OXCT1: variants seen among roughly 807,000 people sequenced by gnomAD.
OXCT1 encodes the protein 3-oxoacid CoA-transferase 1.
OXCT1 carries 27 observed loss-of-function variants against 69.6 expected under a neutral mutation model. That is an observed-to-expected ratio of 0.39 (90% CI 0.29 to 0.54). The LOEUF (loss-of-function observed/expected upper bound fraction) is 0.54, where lower values mean the gene tolerates loss of function less well. Among genes scored for constraint, OXCT1 ranks in the 20% least tolerant of loss-of-function variants. The pLI, the probability that OXCT1 is intolerant of heterozygous loss-of-function variation, is 0.72. For missense variants in OXCT1, 437 were observed against 650.2 expected (o/e 0.67, Z 3.57); for synonymous variants, 202 against 217.8 (o/e 0.93, Z 0.64).
At chr5:41,766,364 C>A (rs1207422653) in intron 13 of OXCT1, among the ~76,000 whole-genome samples, 1 of 151,932 alleles carries the variant, frequency 6.6e-6, no homozygotes, top group South Asian at 2.1e-4. Flanking sequence ...ATAAACCAGG[C>A]ACCAAGATAG....
In OXCT1 at chr5:41,794,694, T is replaced by G. The variant is rs746636477; in HGVS notation, c.1155A>C (p.Ser385=). 6.2e-7 allele frequency: 1 copy of G among 1,613,702 alleles called. No individual in the cohort carries two copies. ...TTACATACCCTCTAATCATTGCAAA[T>G]GATTCATCGCTGGAGAAAAAAGAGG... The part of the protein sequence containing the change: ...PGASFFSSDE[S]FAMIRGGHVD... Residue 385 remains serine (S), a synonymous_variant, in exon 12 of 17, where the codon TCA becomes TCC. Coordinates refer to ENST00000196371, the MANE Select transcript of OXCT1 (RefSeq NM_000436.4).
rs528139297 is a variant in OXCT1, at chr5:41,805,033, TCTAC to T, written c.955+530_955+533del. 2.0e-5 allele frequency among the ~76,000 whole-genome samples: 3 copies of T among 152,252 alleles called. No homozygotes were observed. The South Asian group carries it at 6.2e-4, about 31-fold the overall frequency. On this transcript the variant is annotated intron_variant, in intron 9 of 16. Coordinates refer to ENST00000196371, the MANE Select transcript of OXCT1 (RefSeq NM_000436.4). ...TATTAATTGCATTAATTATGTCTAC[TCTAC>T]CTCTTTTTTTGACAAAGTATCTAAA...
At chr5:41,839,803 C>T (rs192370676) in intron 7 of OXCT1, among the ~76,000 whole-genome samples, 133 of 152,286 alleles carry the variant, frequency 8.7e-4, no homozygotes, top group African/African-American at 2.9e-3. Context: ...CAAACTCCCA[C>T]GAAAATTGGG....
intron 10 of OXCT1, 129 bp downstream of exon 10, chr5:41,802,940 T>C: frequency 1.4e-6 from 1 of 697,440 alleles, no homozygotes; most frequent in East Asian, 2.7e-5. Flanking sequence ...ATACAATTTA[T>C]CCATGTAACC....
At chr5:41,851,361 A>G (rs1403095282) in intron 4 of OXCT1, among the ~76,000 whole-genome samples, 1 of 152,234 alleles carries the variant, frequency 6.6e-6, no homozygotes, top group African/African-American at 2.4e-5. Flanking sequence ...GCCAACGGAA[A>G]GAGATGACTC....
At chr5:41,801,625 C>T (rs1746429523) in intron 10 of OXCT1, among the ~76,000 whole-genome samples, 2 of 152,102 alleles carry the variant, frequency 1.3e-5, no homozygotes, top group African/African-American at 4.8e-5. Context: ...CAAACTACAT[C>T]ACATTATTTG....
chr5:41,837,743 A>G (rs1748439826), intron 7 of OXCT1, among the ~76,000 whole-genome samples: 1 of 152,304 alleles, frequency 6.6e-6, no homozygotes, highest in East Asian at 1.9e-4. Context: ...GATAGATAAC[A>G]TGGAAGCATT....
rs1447286760 is a variant in OXCT1 at position 41,801,140 on chromosome 5, A to G, written c.1051-70T>C. On this transcript the variant is annotated intron_variant, in intron 10 of 16. Transcript: ENST00000196371. Reference sequence around the variant, plus strand: ...CTGAATCACATATTAGAACTATAATATAAATAACTTCCCTAAAAACCCTAT... The same window carrying G: ...CTGAATCACATATTAGAACTATAATGTAAATAACTTCCCTAAAAACCCTAT... 3.4e-6 allele frequency: 4 copies of G among 1,173,386 alleles called. No individual in the cohort carries two copies. In the East Asian group the frequency reaches 9.5e-5, roughly 28 times the overall value. The allele number at this position is 1,173,386 out of a possible 1,614,324, so 72.7% of individuals were successfully genotyped here.
chr5:41,794,237 A>C, intron 12 of OXCT1, 159 bp from the exon 13 acceptor site: 1 of 662,672 alleles, frequency 1.5e-6, no homozygotes, highest in Non-Finnish European at 2.7e-6. Context: ...CTGACAGAGA[A>C]ATAATCACTA....
intron 7 of OXCT1, among the ~76,000 whole-genome samples, chr5:41,831,427 C>T (rs1053098684): frequency 6.6e-6 from 1 of 152,146 alleles, no homozygotes; most frequent in South Asian, 2.1e-4. Context: ...AATATCAGGT[C>T]CCTTTTCATG....
rs138152751 is a variant in OXCT1 at position 41,791,053 on chromosome 5, T to C, written c.1248+2950A>G. On this transcript the variant is annotated intron_variant, in intron 13 of 16. Transcript: ENST00000196371. ...CACTTTTCATTTTCTTCTCACTTAA[T>C]CCTAGCCAAAACATGTGCTTCAGAT... Among the ~76,000 whole-genome samples, 1,205 of 152,290 alleles carry C rather than the reference T, an allele frequency of 7.9e-3. 16 individuals are homozygous for C. Among genetic ancestry groups the C allele is most frequent in the African/African-American group, 0.028 (1,143 of 41,548 alleles).
At chr5:41,731,807 A>C (rs1742647547) in intron 16 of OXCT1, 37 bp from the exon 17 acceptor site, 4 of 1,586,568 alleles carry the variant, frequency 2.5e-6, no homozygotes, top group African/African-American at 2.7e-5. Flanking sequence ...ATTATGAAAA[A>C]CTGCATGATA....
intron 16 of OXCT1, among the ~76,000 whole-genome samples, chr5:41,738,184 G>A (rs1653188778): frequency 6.6e-6 from 1 of 152,178 alleles, no homozygotes; most frequent in South Asian, 2.1e-4. Context: ...ATGTGTAGCT[G>A]TAACATTAAC....
chr5:41,856,932 A>C (rs1002470618), intron 3 of OXCT1, among the ~76,000 whole-genome samples: 1 of 152,108 alleles, frequency 6.6e-6, no homozygotes, highest in South Asian at 2.1e-4. Flanking sequence ...ACCTACTCCT[A>C]GTACCTGGCT....
At chr5:41,783,140 G>T (rs1325771823) in intron 13 of OXCT1, among the ~76,000 whole-genome samples, 1 of 152,216 alleles carries the variant, frequency 6.6e-6, no homozygotes, top group African/African-American at 2.4e-5. Context: ...GAAAAGGGAA[G>T]TTGAGTACAG....
chr5:41,798,881 C>T (rs1579760495), intron 11 of OXCT1, among the ~76,000 whole-genome samples: 1 of 152,088 alleles, frequency 6.6e-6, no homozygotes, highest in South Asian at 2.1e-4. Flanking sequence ...AGAAAAAGGC[C>T]AGGGGTCACA....
intron 16 of OXCT1, 43 bp from the exon 17 acceptor site, chr5:41,731,813 T>G: frequency 1.3e-6 from 2 of 1,579,816 alleles, no homozygotes. Context: ...AAAAACTGCA[T>G]GATATAAATC....
At chr5:41,737,473 GA>G (rs1742943301) in intron 16 of OXCT1, among the ~76,000 whole-genome samples, 1 of 152,050 alleles carries the variant, frequency 6.6e-6, no homozygotes, top group Non-Finnish European at 1.5e-5. Context: ...TGTGGATCTT[GA>G]AAATGTTATC....
In OXCT1 at chr5:41,805,669, G is replaced by T. The variant is rs750604881; in HGVS notation, c.853C>A (p.Arg285=). Reference sequence around the variant, plus strand: ...TTGGCTTCCCCATCTCCCTCTTTCCGGATTGATAAACGCTTTAAATTAAAC... The same window carrying T: ...TTGGCTTCCCCATCTCCCTCTTTCCTGATTGATAAACGCTTTAAATTAAAC... The part of the protein sequence containing the change: ...YEKRIERLSI[R]KEGDGEAKSA... The change falls in exon 9 of 17, where the codon CGG becomes AGG. Residue 285 remains arginine, a synonymous_variant. Coordinates refer to ENST00000196371, the MANE Select transcript of OXCT1 (RefSeq NM_000436.4). 1 of 1,604,112 alleles carries T rather than the reference G, an allele frequency of 6.2e-7. No homozygotes were observed. Among genetic ancestry groups the T allele is most frequent in the Non-Finnish European group, 8.5e-7 (1 of 1,171,320 alleles).
Sources: gnomAD v4.1 joint callset for allele counts (sites outside exome capture counted in the v4.1 genomes callset) on GRCh38, gnomAD v4.1.1 for gene constraint, MANE v1.5 for transcripts, NCBI Gene and HGNC (gene_info 2026-07-23, HGNC 2026-07-21) for gene names.